The following UCHL3 variants were observed in gnomAD, a reference collection of about 807,000 sequenced individuals.
The protein encoded by UCHL3 is ubiquitin C-terminal hydrolase L3.
UCHL3 carries 22 observed loss-of-function variants against 35.8 expected under a neutral mutation model. That is an observed-to-expected ratio of 0.61 (90% CI 0.44 to 0.88). The LOEUF is 0.88. Among genes scored for constraint, UCHL3 ranks in the 40% least tolerant of loss-of-function variants. The probability of loss-of-function intolerance (pLI) is 0.00; values close to 1 mark genes in which losing one functional copy is unlikely to be tolerated. For synonymous variants in UCHL3, 90 were observed against 92.8 expected, an observed-to-expected ratio of 0.97 and a Z score of 0.17; for missense variants, 229 against 276.9, an observed-to-expected ratio of 0.83 and a Z score of 1.23.
intron 6 of UCHL3, among the ~76,000 whole-genome samples, chr13:75,580,684 A>C (rs2032155561): frequency 6.6e-6 from 1 of 152,104 alleles, no homozygotes; most frequent in African/African-American, 2.4e-5. Context: ...TTCTGAATTC[A>C]TGTTATGGGG....
chr13:75,549,765 C>T, upstream of UCHL3: 2 of 1,453,928 alleles, frequency 1.4e-6, no homozygotes, highest in South Asian at 1.4e-5. Flanking sequence ...TGGGCGGAAG[C>T]GGCGGCGGCG....
intron 7 of UCHL3, among the ~76,000 whole-genome samples, chr13:75,600,494 T>G (rs1330082945): frequency 2.0e-5 from 3 of 152,104 alleles, no homozygotes; most frequent in Non-Finnish European, 4.4e-5. Flanking sequence ...AATTTTAGGG[T>G]CCTTAAGAAT....
intron 7 of UCHL3, 82 bp from the exon 8 acceptor site, chr13:75,604,687 G>T: frequency 8.5e-7 from 1 of 1,175,718 alleles, no homozygotes; most frequent in Non-Finnish European, 1.2e-6. Context: ...TTGCCTCACT[G>T]GGGGAAGAGG....
intron 3 of UCHL3, among the ~76,000 whole-genome samples, chr13:75,564,175 G>T (rs1272189424): frequency 6.6e-6 from 1 of 151,472 alleles, no homozygotes; most frequent in African/African-American, 2.4e-5. Context: ...TTTTGAGATG[G>T]AGTCTCGCTC....
intron 3 of UCHL3, among the ~76,000 whole-genome samples, chr13:75,566,095 A>G (rs1415609792): frequency 6.6e-6 from 1 of 152,240 alleles, no homozygotes; most frequent in Non-Finnish European, 1.5e-5. Context: ...ATAGAAACGT[A>G]ACAATTAGCA....
At chr13:75,584,072 C>T (rs372411768) in intron 6 of UCHL3, among the ~76,000 whole-genome samples, 1 of 152,150 alleles carries the variant, frequency 6.6e-6, no homozygotes, top group Non-Finnish European at 1.5e-5. Flanking sequence ...AGCCTAAAGA[C>T]CTTGAGACAG....
intron 2 of UCHL3, among the ~76,000 whole-genome samples, chr13:75,556,983 G>A (rs1566208565): frequency 6.6e-6 from 1 of 152,196 alleles, no homozygotes; most frequent in Non-Finnish European, 1.5e-5. Context: ...TTGGGAGGCC[G>A]GGGCCAGAGG....
At chr13:75,579,213 A>T (rs890109549) in intron 6 of UCHL3, among the ~76,000 whole-genome samples, 1 of 152,060 alleles carries the variant, frequency 6.6e-6, no homozygotes, top group Non-Finnish European at 1.5e-5. Flanking sequence ...TTAGTTCTTA[A>T]ATAATATAAA....
intron 2 of UCHL3, among the ~76,000 whole-genome samples, chr13:75,551,788 GT>G (rs962355563): frequency 7.2e-5 from 11 of 152,152 alleles, no homozygotes; most frequent in Non-Finnish European, 1.6e-4. Flanking sequence ...AGTGGACCTT[GT>G]TTCTAGGGTG....
chr13:75,580,654 T>C (rs959055589), intron 6 of UCHL3, among the ~76,000 whole-genome samples: 2 of 152,206 alleles, frequency 1.3e-5, no homozygotes, highest in East Asian at 3.8e-4. Flanking sequence ...TACCATATTA[T>C]TATAATGATG....
At chr13:75,563,111 G>A (rs996879799) in intron 3 of UCHL3, among the ~76,000 whole-genome samples, 2 of 150,582 alleles carry the variant, frequency 1.3e-5, no homozygotes, top group Non-Finnish European at 3.0e-5. Context: ...AACTGTCATG[G>A]GTACCTCATT....
At chr13:75,571,519 C>T (rs143116314) in intron 6 of UCHL3, among the ~76,000 whole-genome samples, 1 of 152,160 alleles carries the variant, frequency 6.6e-6, no homozygotes, top group African/African-American at 2.4e-5. Flanking sequence ...CATACTTTTT[C>T]CCACTGTAAC....
intron 6 of UCHL3, 122 bp downstream of exon 6, chr13:75,569,629 T>C (rs2031791305): frequency 1.1e-6 from 1 of 908,666 alleles, no homozygotes; most frequent in African/African-American, 1.7e-5. Context: ...TGGCTTTTTG[T>C]TTTTTCCTTT....
At chr13:75,584,396 A>G (rs2032267286) in intron 6 of UCHL3, among the ~76,000 whole-genome samples, 1 of 152,074 alleles carries the variant, frequency 6.6e-6, no homozygotes, top group African/African-American at 2.4e-5. Flanking sequence ...CTACAACCCA[A>G]CTTCCACTCT....
At chr13:75,568,669 T>G (rs1593731820) in intron 5 of UCHL3, among the ~76,000 whole-genome samples, 1 of 152,058 alleles carries the variant, frequency 6.6e-6, no homozygotes, top group South Asian at 2.1e-4. Context: ...ATTTAATAGT[T>G]TTTCTTCTTT....
rs753456567 is a variant in UCHL3, at chr13:75,566,753, C to T, written c.242C>T (p.Thr81Ile). Residue 81 changes from threonine to isoleucine, a missense_variant, in exon 4 of 9, where the codon ACA becomes ATA. Coordinates refer to ENST00000377595, the MANE Select transcript of UCHL3 (RefSeq NM_006002.5). ...ATAAAATCTCAGGGACAAGATGTTA[C>T]ATCATCAGTATATTTCATGAAGCAA... is the stretch of plus-strand genomic sequence containing the variant. Reference protein sequence around the residue: ...EKIKSQGQDVTSSVYFMKQTI... With the variant: ...EKIKSQGQDVISSVYFMKQTI... 4 of 1,608,334 alleles carry T rather than the reference C, an allele frequency of 2.5e-6. No individual in the cohort carries two copies. Among genetic ancestry groups the T allele is most frequent in the East Asian group, 2.2e-5 (1 of 44,530 alleles).
At chr13:75,604,686 T>G (rs1395947688) in intron 7 of UCHL3, 83 bp from the exon 8 acceptor site, 5 of 1,172,210 alleles carry the variant, frequency 4.3e-6, no homozygotes, top group Non-Finnish European at 5.9e-6. Flanking sequence ...CTTGCCTCAC[T>G]GGGGGAAGAG....
intron 6 of UCHL3, among the ~76,000 whole-genome samples, chr13:75,586,908 A>G (rs2032337460): frequency 6.6e-6 from 1 of 151,784 alleles, no homozygotes; most frequent in Non-Finnish European, 1.5e-5. Context: ...TGCTTATAGT[A>G]GAAAAAAACA....
intron 3 of UCHL3, among the ~76,000 whole-genome samples, chr13:75,564,992 G>A (rs1037358296): frequency 1.3e-5 from 2 of 152,186 alleles, no homozygotes; most frequent in Non-Finnish European, 2.9e-5. Context: ...TACTGCGCCC[G>A]GCCAGTGATA....
Sources: gnomAD v4.1 joint callset for allele counts (sites outside exome capture counted in the v4.1 genomes callset) on GRCh38, gnomAD v4.1.1 for gene constraint, MANE v1.5 for transcripts, NCBI Gene and HGNC (gene_info 2026-07-23, HGNC 2026-07-21) for gene names.